SLC39A11: variants seen among roughly 807,000 people sequenced by gnomAD.
SLC39A11 encodes solute carrier family 39 member 11.
SLC39A11 carries 33 observed loss-of-function variants against 36.1 expected under a neutral mutation model. The ratio of observed to expected loss-of-function variants is 0.91; its 90% CI spans 0.69 to 1.22. The LOEUF is 1.22. Ranked by LOEUF, SLC39A11 falls within the 50% of genes most tolerant of loss-of-function variation. The pLI is 0.00. For synonymous variants in SLC39A11, 166 were observed against 170.3 expected (o/e 0.97, Z 0.20); for missense variants, 432 against 430.3 (o/e 1.00, Z -0.03).
At chr17:72,994,699 A>G (rs1401095554) in intron 4 of SLC39A11, among the ~76,000 whole-genome samples, 1 of 152,222 alleles carries the variant, frequency 6.6e-6, no homozygotes, top group Non-Finnish European at 1.5e-5. Context: ...CTCTCTAGAT[A>G]GGAGCTGAGG....
intron 5 of SLC39A11, among the ~76,000 whole-genome samples, chr17:72,945,157 AGAATAGCT>A (rs1472086875): frequency 5.3e-5 from 8 of 152,140 alleles, no homozygotes; most frequent in Non-Finnish European, 1.5e-5. Context: ...CCCAGCCTTG[AGAATAGCT>A]GATATCAGAA....
At chr17:72,657,090 G>A (rs996262611) in intron 7 of SLC39A11, among the ~76,000 whole-genome samples, 4 of 152,176 alleles carry the variant, frequency 2.6e-5, no homozygotes, top group East Asian at 1.9e-4. Context: ...GGCCAGGCAC[G>A]GTGGCTCACG....
intron 4 of SLC39A11, among the ~76,000 whole-genome samples, chr17:73,003,454 G>A (rs753332474): frequency 9.9e-5 from 15 of 152,174 alleles, no homozygotes; most frequent in Non-Finnish European, 2.1e-4. Context: ...GTGGGCAGTA[G>A]ACAGAAAAGG....
chr17:72,848,933 G>C (rs1462430349), intron 6 of SLC39A11, among the ~76,000 whole-genome samples: 1 of 152,096 alleles, frequency 6.6e-6, no homozygotes, highest in Non-Finnish European at 1.5e-5. Flanking sequence ...AGAGTTTTTG[G>C]CTTCCCCAAA....
At chr17:73,012,529 GT>G (rs58612518) in intron 4 of SLC39A11, among the ~76,000 whole-genome samples, 17,518 of 148,070 alleles carry the variant, frequency 0.12, 2,783 homozygotes, top group African/African-American at 0.36. Flanking sequence ...GTATTTCCCA[GT>G]TTTTTTTTTT....
chr17:72,702,761 A>G (rs1460582784), intron 7 of SLC39A11, among the ~76,000 whole-genome samples: 1 of 151,596 alleles, frequency 6.6e-6, no homozygotes, highest in Non-Finnish European at 1.5e-5. Context: ...ACACGGTGAA[A>G]CTCCGTCTCT....
intron 6 of SLC39A11, among the ~76,000 whole-genome samples, chr17:72,785,673 A>C (rs2076488590): frequency 6.6e-6 from 1 of 152,184 alleles, no homozygotes; most frequent in Admixed American, 6.5e-5. Flanking sequence ...GGTGGCTTCA[A>C]ATGGCCACCA....
At chr17:72,977,637 A>G (rs2087958484) in intron 4 of SLC39A11, among the ~76,000 whole-genome samples, 1 of 152,110 alleles carries the variant, frequency 6.6e-6, no homozygotes, top group African/African-American at 2.4e-5. Context: ...AAGAGCAAAG[A>G]GCAGAGAGAG....
intron 7 of SLC39A11, among the ~76,000 whole-genome samples, chr17:72,719,880 G>A (rs893399196): frequency 3.3e-5 from 5 of 152,180 alleles, no homozygotes; most frequent in Non-Finnish European, 7.3e-5. Context: ...GCTCATGGAG[G>A]AGACGCTGCT....
intron 4 of SLC39A11, among the ~76,000 whole-genome samples, chr17:73,017,167 T>C (rs1183211796): frequency 3.3e-5 from 5 of 152,216 alleles, no homozygotes; most frequent in Non-Finnish European, 5.9e-5. Flanking sequence ...GCAAAGAATC[T>C]GGAGCAAATG....
chr17:72,824,942 GT>G (rs1412415634), intron 6 of SLC39A11, among the ~76,000 whole-genome samples: 3 of 151,374 alleles, frequency 2.0e-5, no homozygotes, highest in African/African-American at 7.3e-5. Context: ...AGAGCAAAAA[GT>G]TTAGAAACTT....
At chr17:72,922,480 T>C (rs1333916254) in intron 5 of SLC39A11, among the ~76,000 whole-genome samples, 1 of 152,046 alleles carries the variant, frequency 6.6e-6, no homozygotes, top group Non-Finnish European at 1.5e-5. Context: ...AAGGTTGGGG[T>C]TGAGATGTGT....
intron 5 of SLC39A11, among the ~76,000 whole-genome samples, chr17:72,922,290 G>C (rs921031814): frequency 2.0e-5 from 3 of 152,192 alleles, no homozygotes; most frequent in Non-Finnish European, 4.4e-5. Context: ...AGGAGCCTCT[G>C]CTCTTTCACC....
chr17:72,942,766 C>T (rs575140197), intron 5 of SLC39A11, among the ~76,000 whole-genome samples: 25 of 152,284 alleles, frequency 1.6e-4, no homozygotes, highest in South Asian at 6.2e-4. Context: ...GAGCTTATAG[C>T]GAGAACCAGC....
rs554731022 is a variant in SLC39A11 at position 73,009,311 on chromosome 17, C to T, written c.306+22245G>A. ...GTGAGCTTGCAGTGAGCCGAGATTG[C>T]GCCACTGCACTCCATCCTGGGGGAC... On this transcript the variant is annotated intron_variant, in intron 4 of 9. Coordinates refer to ENST00000255559, the MANE Select transcript of SLC39A11 (RefSeq NM_139177.4). Among the ~76,000 whole-genome samples, 7 of 143,202 alleles carry T rather than the reference C, an allele frequency of 4.9e-5. No homozygotes were observed. In the South Asian group the frequency reaches 8.7e-4, roughly 18 times the overall value. 93.9% of individuals were successfully genotyped at this position (143,202 alleles called of 152,430 possible).
chr17:72,732,242 C>T (rs1410712455), intron 7 of SLC39A11, among the ~76,000 whole-genome samples: 4 of 151,388 alleles, frequency 2.6e-5, no homozygotes, highest in African/African-American at 4.9e-5. Flanking sequence ...CTTGAATTCC[C>T]GACCTCGAGG....
chr17:73,066,302 C>A (rs530885649), intron 3 of SLC39A11, among the ~76,000 whole-genome samples: 1 of 152,118 alleles, frequency 6.6e-6, no homozygotes. Context: ...GCCAAATGAC[C>A]GCGGCCTCAT....
chr17:72,825,421 G>T (rs572737039), intron 6 of SLC39A11, among the ~76,000 whole-genome samples: 7 of 152,366 alleles, frequency 4.6e-5, no homozygotes, highest in Non-Finnish European at 8.8e-5. Context: ...GAAGTGTGCT[G>T]CAGGGGTGGA....
intron 4 of SLC39A11, among the ~76,000 whole-genome samples, chr17:72,962,999 T>C (rs1045377425): frequency 6.6e-6 from 1 of 152,100 alleles, no homozygotes; most frequent in African/African-American, 2.4e-5. Context: ...CCACTCTCTC[T>C]TTTAAGGGCT....
Sources: allele counts gnomAD v4.1 joint callset (sites outside exome capture counted in the v4.1 genomes callset), GRCh38; gene constraint gnomAD v4.1.1; transcripts MANE v1.5; gene names NCBI Gene and HGNC (gene_info 2026-07-23, HGNC 2026-07-21).